USH2A: variants seen among roughly 807,000 people sequenced by gnomAD.
USH2A encodes usherin.
In USH2A, 443 loss-of-function variants were observed where a neutral mutation model predicts 538.9. The observed-to-expected ratio is 0.82, with a 90% CI of 0.76 to 0.89. The LOEUF (loss-of-function observed/expected upper bound fraction) is 0.89, where lower values mean the gene tolerates loss of function less well. Ranked by LOEUF, USH2A falls within the 40% of genes least tolerant of loss-of-function variation. The pLI is 0.00. For synonymous variants in USH2A, 2,413 were observed against 2,273.5 expected, an observed-to-expected ratio of 1.06 and a Z score of -1.75; for missense variants, 6,633 against 6,324.8, an observed-to-expected ratio of 1.05 and a Z score of -1.65.
chr1:216,366,864 T>C (rs1264823526), intron 3 of USH2A, among the ~76,000 whole-genome samples: 1 of 152,176 alleles, frequency 6.6e-6, no homozygotes, highest in East Asian at 1.9e-4. Flanking sequence ...GGCTGCATTT[T>C]TTTTGCATCC....
chr1:216,232,867 G>T (rs1299634237), intron 13 of USH2A, among the ~76,000 whole-genome samples: 1 of 152,118 alleles, frequency 6.6e-6, no homozygotes, highest in African/African-American at 2.4e-5. Flanking sequence ...TGCAAATAAT[G>T]CATGAATTAT....
chr1:216,093,723 G>A (rs577734327), intron 22 of USH2A, among the ~76,000 whole-genome samples: 1 of 152,266 alleles, frequency 6.6e-6, no homozygotes, highest in Admixed American at 6.5e-5. Context: ...GTAGGGGGGT[G>A]GCTATAAATA....
intron 38 of USH2A, among the ~76,000 whole-genome samples, chr1:215,906,483 C>T (rs111887209): frequency 1.3e-5 from 2 of 151,948 alleles, no homozygotes; most frequent in Admixed American, 6.6e-5. Context: ...GCAGTGCGCT[C>T]TTAATTTTAC....
rs1411515850 is a variant in USH2A at position 215,816,984 on chromosome 1, A to G, written c.9570+13T>C. On this transcript the variant is annotated intron_variant, in intron 48 of 71. Coordinates refer to ENST00000307340, the MANE Select transcript of USH2A (RefSeq NM_206933.4). ...GAAAAACATGGTTCACTGATTAGTTAGAAAAGACTTACCTTAGCTTCAGAA... is the reference window on the plus strand; with the variant it reads ...GAAAAACATGGTTCACTGATTAGTTGGAAAAGACTTACCTTAGCTTCAGAA... The G allele has an allele frequency of 6.2e-7, 1 of 1,611,882 alleles. No individual in the cohort carries two copies. The highest frequency in any genetic ancestry group is 1.1e-5 in the South Asian group (1 of 91,048).
chr1:216,111,918 T>C (rs1190345472), intron 21 of USH2A, among the ~76,000 whole-genome samples: 2 of 151,920 alleles, frequency 1.3e-5, no homozygotes, highest in Admixed American at 1.3e-4. Flanking sequence ...GCCTAGTTAG[T>C]GCATTAGGGA....
chr1:215,639,357 A>G (rs2102634832), intron 68 of USH2A, 119 bp from the exon 69 acceptor site: 1 of 939,838 alleles, frequency 1.1e-6, no homozygotes, highest in Non-Finnish European at 1.7e-6. Flanking sequence ...GCAAGTTATG[A>G]CGTTTTATAT....
At chr1:216,116,879 T>C (rs938862979) in intron 21 of USH2A, among the ~76,000 whole-genome samples, 3 of 152,138 alleles carry the variant, frequency 2.0e-5, no homozygotes, top group African/African-American at 7.2e-5. Flanking sequence ...AGGAACTTCC[T>C]GAAGATCAAT....
At chr1:216,081,885 C>G (rs112799554) in intron 26 of USH2A, among the ~76,000 whole-genome samples, 3,777 of 151,988 alleles carry the variant, frequency 0.025, 164 homozygotes, top group African/African-American at 0.085. Context: ...GGGTGAGCCA[C>G]TGCACCCAGC....
At position 215,773,518 on chromosome 1, in the gene USH2A, CTCTCTCTCTCTCTCTGTCTT is replaced by C. The variant is rs1220538837; in HGVS notation, c.10939+6305_10939+6324del. Among the ~76,000 whole-genome samples the C allele has an allele frequency of 2.6e-5, 4 of 151,512 alleles. No individual in the cohort carries two copies. The East Asian group carries it at 7.8e-4, about 29-fold the overall frequency. On this transcript the variant is annotated intron_variant, in intron 55 of 71. Coordinates refer to ENST00000307340, the MANE Select transcript of USH2A (RefSeq NM_206933.4). ...TCTCTCTCTCTCTCTCTCTGTCTCTCTCTCTCTCTCTCTCTGTCTTTCTCTCTCTCTCTCACAAGGAGCTG... is the reference window on the plus strand; with the variant it reads ...TCTCTCTCTCTCTCTCTCTGTCTCTCTCTCTCTCTCTCTCACAAGGAGCTG...
intron 11 of USH2A, among the ~76,000 whole-genome samples, chr1:216,278,858 G>T (rs976503971): frequency 2.6e-5 from 4 of 152,138 alleles, no homozygotes; most frequent in African/African-American, 9.7e-5. Flanking sequence ...TTAATGAACT[G>T]CAGAAAAATG....
chr1:216,025,054 TAAC>T (rs1475150213), intron 32 of USH2A, among the ~76,000 whole-genome samples: 5 of 152,060 alleles, frequency 3.3e-5, no homozygotes, highest in Admixed American at 1.3e-4. Flanking sequence ...TCAGTGAGGA[TAAC>T]AACATTTAAA....
intron 35 of USH2A, among the ~76,000 whole-genome samples, chr1:215,983,733 A>G (rs1252608943): frequency 1.3e-5 from 2 of 152,216 alleles, no homozygotes; most frequent in Non-Finnish European, 2.9e-5. Flanking sequence ...CTCAAATGGC[A>G]TGGAAAAGAT....
At chr1:216,329,073 C>T (rs978697564) in intron 4 of USH2A, among the ~76,000 whole-genome samples, 4 of 152,060 alleles carry the variant, frequency 2.6e-5, no homozygotes, top group Admixed American at 6.6e-5. Flanking sequence ...CTGACTTTCC[C>T]GTAGGGAGAG....
At chr1:216,148,435 C>A (rs568729232) in intron 21 of USH2A, among the ~76,000 whole-genome samples, 1 of 152,224 alleles carries the variant, frequency 6.6e-6, no homozygotes, top group Admixed American at 6.5e-5. Context: ...CCCACCTTAA[C>A]TCACAAGTAT....
At chr1:215,956,992 T>C (rs1040942096) in intron 37 of USH2A, among the ~76,000 whole-genome samples, 1 of 152,220 alleles carries the variant, frequency 6.6e-6, no homozygotes, top group Admixed American at 6.5e-5. Flanking sequence ...TATATTTTCA[T>C]TAACAATATG....
At position 216,422,227 on chromosome 1, in the gene USH2A, A is replaced by T. The variant is rs2039690517; in HGVS notation, c.110T>A (p.Phe37Tyr). ...SISLTESRGL[F>Y]PRLENVGAFK... The stretch of plus-strand genomic sequence containing the variant: ...AGCTCCCACGTTCTCCAGCCTTGGG[A>T]AAAGACCTCGTGACTCAGTCAAGGA... Residue 37 changes from phenylalanine (F) to tyrosine (Y), a missense_variant, in exon 2 of 72, where the codon TTC becomes TAC. Coordinates refer to ENST00000307340, the MANE Select transcript of USH2A (RefSeq NM_206933.4). The T allele has an allele frequency of 1.9e-6, 3 of 1,612,758 alleles. No homozygotes were observed. Among genetic ancestry groups the T allele is most frequent in the Admixed American group, 1.7e-5 (1 of 59,828 alleles).
At chr1:216,319,118 G>A (rs2037561333) in intron 9 of USH2A, among the ~76,000 whole-genome samples, 1 of 152,124 alleles carries the variant, frequency 6.6e-6, no homozygotes. Flanking sequence ...AGTTCAAGGT[G>A]CCCTGCTAAA....
At chr1:215,998,385 G>A (rs552727476) in intron 34 of USH2A, among the ~76,000 whole-genome samples, 2 of 151,972 alleles carry the variant, frequency 1.3e-5, no homozygotes, top group African/African-American at 2.4e-5. Flanking sequence ...TGTTGATTCT[G>A]GGGTTTTATT....
chr1:215,821,520 CAGAT>C (rs2102800643), intron 47 of USH2A, among the ~76,000 whole-genome samples: 1 of 151,856 alleles, frequency 6.6e-6, no homozygotes, highest in Non-Finnish European at 1.5e-5. Flanking sequence ...AATTCATTGT[CAGAT>C]AGACAGTTTG....
Sources: gnomAD v4.1 joint callset for allele counts (sites outside exome capture counted in the v4.1 genomes callset) on GRCh38, gnomAD v4.1.1 for gene constraint, MANE v1.5 for transcripts, NCBI Gene and HGNC (gene_info 2026-07-23, HGNC 2026-07-21) for gene names.